Variants in SLC71A2 observed in about 807,000 individuals in gnomAD.
SLC71A2 encodes the protein solute carrier family 71 member 2.
At chr9:94,375,622 AT>A in the SLC71A2 span, among the ~76,000 whole-genome samples, 164 of 147,500 alleles carry the variant, frequency 1.1e-3, no homozygotes, top group Non-Finnish European at 1.1e-3. Context: ...TTTAAAAAGG[AT>A]TTTTTTTTTT....
At chr9:94,435,273 A>G in the SLC71A2 span, among the ~76,000 whole-genome samples, 1 of 152,180 alleles carries the variant, frequency 6.6e-6, no homozygotes, top group Non-Finnish European at 1.5e-5. Flanking sequence ...AAGCAATGCA[A>G]AGAGAAATTT....
chr9:94,422,685 C>T, the SLC71A2 span, among the ~76,000 whole-genome samples: 1 of 152,176 alleles, frequency 6.6e-6, no homozygotes, highest in African/African-American at 2.4e-5. Context: ...TTTGCATATT[C>T]CTAACGACCA....
the SLC71A2 span, among the ~76,000 whole-genome samples, chr9:94,442,244 C>G: frequency 7.9e-5 from 12 of 152,158 alleles, no homozygotes; most frequent in Non-Finnish European, 1.6e-4. Flanking sequence ...TCATTGCTGA[C>G]TGAATGAATA....
chr9:94,385,039 T>C, the SLC71A2 span, among the ~76,000 whole-genome samples: 1 of 151,890 alleles, frequency 6.6e-6, no homozygotes, highest in Non-Finnish European at 1.5e-5. Flanking sequence ...TCTCTTGAAC[T>C]TCTCCTCCTC....
the SLC71A2 span, among the ~76,000 whole-genome samples, chr9:94,450,652 G>C: frequency 4.6e-5 from 7 of 151,720 alleles, no homozygotes; most frequent in Non-Finnish European, 1.5e-5. Context: ...ACCACGTCCA[G>C]CTAATTTTTT....
At chr9:94,455,001 C>T in the SLC71A2 span, among the ~76,000 whole-genome samples, 1 of 152,034 alleles carries the variant, frequency 6.6e-6, no homozygotes, top group Admixed American at 6.6e-5. Flanking sequence ...ATGCCTTCTC[C>T]ATTTTAGACG....
chr9:94,440,965 T>C, the SLC71A2 span: 1 of 1,514,304 alleles, frequency 6.6e-7, no homozygotes, highest in South Asian at 1.1e-5. Context: ...CCTTGGGTCA[T>C]TAAAATAATC....
the SLC71A2 span, among the ~76,000 whole-genome samples, chr9:94,439,269 A>G: frequency 6.6e-6 from 1 of 151,014 alleles, no homozygotes; most frequent in Non-Finnish European, 1.5e-5. Context: ...GGCCTCCCAA[A>G]GTGCTGGGAT....
chr9:94,440,314 C>T, the SLC71A2 span, among the ~76,000 whole-genome samples: 179 of 152,138 alleles, frequency 1.2e-3, 1 homozygote, highest in African/African-American at 3.9e-3. Context: ...CCACCACGCC[C>T]GGCTAAGTTT....
the SLC71A2 span, among the ~76,000 whole-genome samples, chr9:94,399,336 A>G: frequency 2.6e-5 from 4 of 152,084 alleles, no homozygotes; most frequent in Non-Finnish European, 4.4e-5. Context: ...TGAAACCAAG[A>G]TGTGTCACAC....
chr9:94,409,075 C>T, the SLC71A2 span, among the ~76,000 whole-genome samples: 44 of 150,404 alleles, frequency 2.9e-4, no homozygotes, highest in African/African-American at 1.0e-3. Context: ...CCTCGTGATC[C>T]GCCTGCCTCG....
the SLC71A2 span, among the ~76,000 whole-genome samples, chr9:94,457,553 G>A: frequency 6.6e-6 from 1 of 152,022 alleles, no homozygotes; most frequent in South Asian, 2.1e-4. Context: ...CCTGGCTACA[G>A]TAACTCAGTT....
chr9:94,459,124 G>A, the SLC71A2 span: 1 of 1,602,110 alleles, frequency 6.2e-7, no homozygotes, highest in African/African-American at 1.3e-5. Context: ...AAGACTAACT[G>A]TATTCTTTGT....
chr9:94,385,841 A>G, the SLC71A2 span, among the ~76,000 whole-genome samples: 1 of 151,940 alleles, frequency 6.6e-6, no homozygotes, highest in East Asian at 1.9e-4. Flanking sequence ...TTGCAATTCC[A>G]TATGAATTTG....
the SLC71A2 span, among the ~76,000 whole-genome samples, chr9:94,426,322 G>C: frequency 2.6e-5 from 4 of 151,998 alleles, no homozygotes; most frequent in Non-Finnish European, 5.9e-5. Context: ...GAAGACACCA[G>C]GGAGCTTACT....
chr9:94,375,248 A>G, the SLC71A2 span, among the ~76,000 whole-genome samples: 2 of 150,738 alleles, frequency 1.3e-5, no homozygotes, highest in Non-Finnish European at 2.9e-5. Flanking sequence ...TTTCTCTCCA[A>G]GTCTACATGG....
chr9:94,453,056 T>A, the SLC71A2 span, among the ~76,000 whole-genome samples: 32 of 152,180 alleles, frequency 2.1e-4, no homozygotes, highest in African/African-American at 7.5e-4. Context: ...TATATTTTTG[T>A]TTTTGTTGAA....
the SLC71A2 span, among the ~76,000 whole-genome samples, chr9:94,414,618 A>G: frequency 6.6e-6 from 1 of 152,164 alleles, no homozygotes; most frequent in Admixed American, 6.5e-5. Context: ...ATTTTCTACT[A>G]AAGCTCCAGT....
At chr9:94,436,276 T>C in the SLC71A2 span, among the ~76,000 whole-genome samples, 1 of 152,224 alleles carries the variant, frequency 6.6e-6, no homozygotes, top group African/African-American at 2.4e-5. Context: ...GGGCAAATGA[T>C]CCAAACTAGA....
Sources: allele counts gnomAD v4.1 joint callset (sites outside exome capture counted in the v4.1 genomes callset), GRCh38; gene constraint gnomAD v4.1.1; transcripts MANE v1.5; gene names NCBI Gene and HGNC (gene_info 2026-07-23, HGNC 2026-07-21).